Variants in EXOC4 observed in about 807,000 individuals in gnomAD.
EXOC4 encodes SEC8-like 1.
In EXOC4, 71 loss-of-function variants were observed where a neutral mutation model predicts 107.2. The ratio of observed to expected loss-of-function variants is 0.66; its 90% CI spans 0.55 to 0.81. EXOC4 has a LOEUF of 0.81. Among genes scored for constraint, EXOC4 ranks in the 30% least tolerant of loss-of-function variants. EXOC4 has a pLI of 0.00. For missense variants in EXOC4, 1,108 were observed against 1,189.6 expected (o/e 0.93, Z 1.01); for synonymous variants, 456 against 441.2 (o/e 1.03, Z -0.42).
At chr7:134,034,376 C>T (rs1795340064) in intron 17 of EXOC4, among the ~76,000 whole-genome samples, 1 of 152,222 alleles carries the variant, frequency 6.6e-6, no homozygotes, top group Admixed American at 6.5e-5. Flanking sequence ...CTTTGAGAGG[C>T]CTCAAGGCTG....
At chr7:133,649,742 T>G (rs1803093047) in intron 10 of EXOC4, among the ~76,000 whole-genome samples, 1 of 152,140 alleles carries the variant, frequency 6.6e-6, no homozygotes, top group South Asian at 2.1e-4. Context: ...AACACCTTAT[T>G]TCTACTGCTG....
chr7:134,091,153 A>T, the EXOC4 span, among the ~76,000 whole-genome samples: 2 of 152,144 alleles, frequency 1.3e-5, no homozygotes, highest in African/African-American at 4.8e-5. Flanking sequence ...AAATTCAGGG[A>T]GAGTCCACAG....
intron 10 of EXOC4, among the ~76,000 whole-genome samples, chr7:133,797,963 G>A (rs1366740114): frequency 6.6e-6 from 1 of 152,152 alleles, no homozygotes; most frequent in Non-Finnish European, 1.5e-5. Flanking sequence ...AAGAAAAAAA[G>A]AGGCAGTGAA....
intron 5 of EXOC4, among the ~76,000 whole-genome samples, chr7:133,338,474 TC>T (rs1437656730): frequency 1.3e-5 from 2 of 148,652 alleles, no homozygotes; most frequent in Non-Finnish European, 3.0e-5. Flanking sequence ...GCGCCTGTAG[TC>T]CCAGCTACTC....
intron 7 of EXOC4, among the ~76,000 whole-genome samples, chr7:133,400,058 A>G (rs192021475): frequency 1.6e-4 from 24 of 152,326 alleles, no homozygotes; most frequent in African/African-American, 5.3e-4. Flanking sequence ...TGCATTTTGA[A>G]TTTATGCTCA....
chr7:134,095,386 C>T, the EXOC4 span, among the ~76,000 whole-genome samples: 1 of 152,072 alleles, frequency 6.6e-6, no homozygotes, highest in Non-Finnish European at 1.5e-5. Flanking sequence ...ATTAAAATGG[C>T]CATACTTTCC....
intron 11 of EXOC4, among the ~76,000 whole-genome samples, chr7:133,869,144 G>A (rs998796065): frequency 6.6e-6 from 1 of 151,836 alleles, no homozygotes; most frequent in Non-Finnish European, 1.5e-5. Context: ...ATGATGAACG[G>A]CACTCATATA....
At chr7:133,741,041 C>G (rs887675068) in intron 10 of EXOC4, among the ~76,000 whole-genome samples, 1 of 152,186 alleles carries the variant, frequency 6.6e-6, no homozygotes, top group Non-Finnish European at 1.5e-5. Flanking sequence ...AATACTGGAG[C>G]TAGAACTTAA....
At chr7:134,051,223 A>G (rs1795779345) in intron 17 of EXOC4, among the ~76,000 whole-genome samples, 1 of 152,242 alleles carries the variant, frequency 6.6e-6, no homozygotes, top group Non-Finnish European at 1.5e-5. Context: ...ACATCTGAGC[A>G]TTATATATAT....
intron 10 of EXOC4, among the ~76,000 whole-genome samples, chr7:133,796,772 A>G (rs1244973310): frequency 6.6e-6 from 1 of 152,152 alleles, no homozygotes; most frequent in Non-Finnish European, 1.5e-5. Context: ...AAAAAAGATT[A>G]TTCATAGTAA....
chr7:133,620,984 C>T (rs1231257423), intron 9 of EXOC4, among the ~76,000 whole-genome samples: 1 of 152,188 alleles, frequency 6.6e-6, no homozygotes, highest in Admixed American at 6.5e-5. Context: ...CGTGGAGTCA[C>T]TGTGTATCCT....
At chr7:133,969,845 C>T (rs917872605) in intron 14 of EXOC4, among the ~76,000 whole-genome samples, 2 of 152,198 alleles carry the variant, frequency 1.3e-5, no homozygotes, top group African/African-American at 4.8e-5. Flanking sequence ...GGTAGTCTGA[C>T]CCTTAGCAGA....
intron 10 of EXOC4, among the ~76,000 whole-genome samples, chr7:133,802,762 G>T (rs1192212792): frequency 3.1e-5 from 1 of 32,218 alleles, no homozygotes; most frequent in Non-Finnish European, 6.0e-5. Context: ...CAGGAGTATT[G>T]CTTGGACCCG....
intron 10 of EXOC4, among the ~76,000 whole-genome samples, chr7:133,644,558 C>T (rs544322487): frequency 6.6e-6 from 1 of 152,196 alleles, no homozygotes; most frequent in East Asian, 1.9e-4. Context: ...TCATACCAAC[C>T]CTAAGAAATA....
intron 12 of EXOC4, among the ~76,000 whole-genome samples, chr7:133,907,815 A>AAAGAGGAAG (rs1554418676): frequency 1.1e-5 from 1 of 93,292 alleles, no homozygotes; most frequent in African/African-American, 5.2e-5. Context: ...GAGAGAGAAG[A>AAAGAGGAAG]AGGAGGAGGA....
In EXOC4 at chr7:133,895,622, A is replaced by C. The variant is rs778898603; in HGVS notation, c.1758A>C (p.Thr586=). 1.9e-6 allele frequency: 3 copies of C among 1,614,032 alleles called. No homozygotes were observed. Among genetic ancestry groups the C allele is most frequent in the Non-Finnish European group, 2.5e-6 (3 of 1,179,922 alleles). The change falls in exon 12 of 18, where the codon ACA becomes ACC. Residue 586 remains threonine (T), a synonymous_variant. Transcript: ENST00000253861. The part of the protein sequence containing the change: ...LLQSTIIVEK[T]VQDLLNLMHD... Reference sequence around the variant, plus strand: ...AGAGCACAATCATTGTGGAGAAGACAGTTCAAGACCTCCTGAACCTGATGC... The same window carrying C: ...AGAGCACAATCATTGTGGAGAAGACCGTTCAAGACCTCCTGAACCTGATGC...
At chr7:133,379,757 A>C (rs976570138) in intron 7 of EXOC4, among the ~76,000 whole-genome samples, 2 of 152,088 alleles carry the variant, frequency 1.3e-5, no homozygotes, top group East Asian at 1.9e-4. Context: ...ATTAGTTATG[A>C]TAATAAACAA....
chr7:134,097,692 G>T, the EXOC4 span, among the ~76,000 whole-genome samples: 3 of 152,124 alleles, frequency 2.0e-5, no homozygotes, highest in Non-Finnish European at 2.9e-5. Flanking sequence ...AACTTGATGT[G>T]GGAGGGAAAC....
intron 9 of EXOC4, among the ~76,000 whole-genome samples, chr7:133,481,429 T>C (rs1228158558): frequency 6.6e-6 from 1 of 152,174 alleles, no homozygotes; most frequent in African/African-American, 2.4e-5. Flanking sequence ...CATTTTGCAG[T>C]GACTGGCCTG....
Sources: allele counts gnomAD v4.1 joint callset (sites outside exome capture counted in the v4.1 genomes callset), GRCh38; gene constraint gnomAD v4.1.1; transcripts MANE v1.5; gene names NCBI Gene and HGNC (gene_info 2026-07-23, HGNC 2026-07-21).